ZNF729: variants seen among roughly 807,000 people sequenced by gnomAD.
ZNF729 encodes zinc finger protein 729.
A neutral mutation model predicts 12.2 loss-of-function variants in ZNF729; 15 were observed. That is an observed-to-expected ratio of 1.23 (90% CI 0.82 to 1.89). The LOEUF (loss-of-function observed/expected upper bound fraction) is 1.89. Among genes scored for constraint, ZNF729 ranks in the 40% most tolerant of loss-of-function variants. The pLI is 0.00. For missense variants in ZNF729, 1,540 were observed against 1,456.7 expected, an observed-to-expected ratio of 1.06 and a Z score of -0.93; for synonymous variants, 492 against 476.3, an observed-to-expected ratio of 1.03 and a Z score of -0.43.
intron 1 of ZNF729, among the ~76,000 whole-genome samples, chr19:22,288,391 T>C (rs1339823266): frequency 1.3e-4 from 20 of 152,040 alleles, no homozygotes; most frequent in Non-Finnish European, 1.8e-4. Flanking sequence ...TTGGAAACTT[T>C]ATGGAGTGAT....
rs543577982 is a variant in ZNF729, at chr19:22,314,793, C to G, written c.1376C>G (p.Pro459Arg). The G allele has an allele frequency of 8.7e-6, 14 of 1,613,668 alleles. No individual in the cohort carries two copies. The highest frequency in any genetic ancestry group is 1.7e-5 in the Admixed American group (1 of 59,994). Reference sequence around the variant, plus strand: ...AAGATAATTCATACTGGGGAGAAACCATACAAATGTGAAGAATGTGGCAAA... The same window carrying G: ...AAGATAATTCATACTGGGGAGAAACGATACAAATGTGAAGAATGTGGCAAA... Reference protein sequence around the residue: ...KHKIIHTGEKPYKCEECGKAF... With the variant: ...KHKIIHTGEKRYKCEECGKAF... Residue 459 changes from proline (P) to arginine (R), a missense_variant, in exon 4 of 4, where the codon CCA becomes CGA. Coordinates refer to ENST00000601693, the MANE Select transcript of ZNF729 (RefSeq NM_001242680.2).
At position 22,314,082 on chromosome 19, in the gene ZNF729, C is replaced by G; in HGVS notation, c.665C>G (p.Thr222Ser). 1.9e-6 allele frequency: 3 copies of G among 1,545,698 alleles called. No individual in the cohort carries two copies. Among genetic ancestry groups the G allele is most frequent in the Non-Finnish European group, 2.6e-6 (3 of 1,146,678 alleles). Residue 222 changes from threonine to serine, a missense_variant, in exon 4 of 4, where the codon ACC (threonine) becomes AGC (serine). Transcript: ENST00000601693. ...GGCAAAGCCTTTAAATCGTTCTCAA[C>G]CCTTACTAAACATAAGATAATTCAT... Reference protein sequence around the residue: ...ERGKAFKSFSTLTKHKIIHTE... With the variant: ...ERGKAFKSFSSLTKHKIIHTE...
intron 3 of ZNF729, among the ~76,000 whole-genome samples, chr19:22,309,929 G>T (rs777554261): frequency 4.0e-5 from 6 of 151,106 alleles, no homozygotes; most frequent in Non-Finnish European, 8.8e-5. Context: ...TTACCTCCTT[G>T]GTTAGGCATA....
chr19:22,316,122 A>G lies in ZNF729; in HGVS notation c.2705A>G (p.His902Arg), dbSNP rs1968536505. ...AAACTTACTGTACATAAGGTAATTCATACTGCAGAGAAACCCTGTAAATGT... is the reference window on the plus strand; with the variant it reads ...AAACTTACTGTACATAAGGTAATTCGTACTGCAGAGAAACCCTGTAAATGT... ...LSKLTVHKVI[H>R]TAEKPCKCEE... Residue 902 changes from histidine (H) to arginine (R), a missense_variant, in exon 4 of 4, where the codon CAT becomes CGT. His to Arg is a conservative substitution (Grantham distance 29). Coordinates refer to ENST00000601693, the MANE Select transcript of ZNF729 (RefSeq NM_001242680.2). 1 of 1,609,636 alleles carries G rather than the reference A, an allele frequency of 6.2e-7. No homozygotes were observed. The highest frequency in any genetic ancestry group is 8.5e-7 in the Non-Finnish European group (1 of 1,178,272).
At position 22,314,173 on chromosome 19, in the gene ZNF729, T is replaced by C. The variant is rs1343637913; in HGVS notation, c.756T>C (p.Thr252=). The change falls in exon 4 of 4, where the codon ACT becomes ACC. Residue 252 remains threonine, a synonymous_variant. Coordinates refer to ENST00000601693, the MANE Select transcript of ZNF729 (RefSeq NM_001242680.2). ...GNAFKFSSTF[T]KHKRIHTGET... ...CCTTTAAATTTTCTTCAACGTTCAC[T>C]AAACATAAGAGAATTCATACTGGAG... 6 of 1,580,610 alleles carry C rather than the reference T, an allele frequency of 3.8e-6. No individual in the cohort carries two copies. Among genetic ancestry groups the C allele is most frequent in the Non-Finnish European group, 5.2e-6 (6 of 1,164,098 alleles).
At position 22,316,685 on chromosome 19, in the gene ZNF729, G is replaced by A; in HGVS notation, c.3268G>A (p.Ala1090Thr). ...TGACAAAGCTTTTAAGCATTTCTCA[G>A]CCCTTAGAAAACATAAGGTAATTCA... Reference protein sequence around the residue: ...ECDKAFKHFSALRKHKVIHTG... With the variant: ...ECDKAFKHFSTLRKHKVIHTG... The change falls in exon 4 of 4, where the codon GCC becomes ACC. Residue 1090 changes from alanine (A) to threonine (T), a missense_variant. Physicochemically the swap from Ala to Thr is moderately conservative, Grantham distance 58 (BLOSUM62 0). Transcript: ENST00000601693. 6.2e-7 allele frequency: 1 copy of A among 1,610,048 alleles called. No individual in the cohort carries two copies. The highest frequency in any genetic ancestry group is 8.5e-7 in the Non-Finnish European group (1 of 1,179,082).
At chr19:22,295,154 A>G (rs1968212586) in intron 1 of ZNF729, among the ~76,000 whole-genome samples, 1 of 151,770 alleles carries the variant, frequency 6.6e-6, no homozygotes, top group African/African-American at 2.4e-5. Context: ...CAATTTTTAT[A>G]CATTTATTTT....
chr19:22,289,989 T>A (rs1224382247), intron 1 of ZNF729, among the ~76,000 whole-genome samples: 1 of 152,196 alleles, frequency 6.6e-6, no homozygotes, highest in Non-Finnish European at 1.5e-5. Flanking sequence ...CACCTTAAAA[T>A]TTTCTTCCCT....
chr19:22,315,493 T>G lies in ZNF729; in HGVS notation c.2076T>G (p.Ala692=). 6.2e-7 allele frequency: 1 copy of G among 1,612,182 alleles called. No homozygotes were observed. Among genetic ancestry groups the G allele is most frequent in the Non-Finnish European group, 8.5e-7 (1 of 1,179,736 alleles). Residue 692 remains alanine, a synonymous_variant, in exon 4 of 4, where the codon GCT becomes GCG. Coordinates refer to ENST00000601693, the MANE Select transcript of ZNF729 (RefSeq NM_001242680.2). ...ACAAATGTGAAGAATGTGGCAAAGC[T>G]TTTAGCCATTTCTCAGCCCTTAGAA... The part of the protein sequence containing the change: ...KPYKCEECGK[A]FSHFSALRRH...
chr19:22,300,565 A>G (rs1431951565), intron 1 of ZNF729, among the ~76,000 whole-genome samples: 2 of 152,162 alleles, frequency 1.3e-5, no homozygotes, highest in African/African-American at 4.8e-5. Flanking sequence ...TTGTGCTGCA[A>G]AGTGCATACT....
intron 1 of ZNF729, among the ~76,000 whole-genome samples, chr19:22,294,307 C>T (rs1968195364): frequency 6.6e-6 from 1 of 152,090 alleles, no homozygotes; most frequent in South Asian, 2.1e-4. Flanking sequence ...GCTCTCTATT[C>T]TGTTGCATTG....
At chr19:22,312,711 T>C (rs1568576425) in intron 3 of ZNF729, among the ~76,000 whole-genome samples, 2 of 152,070 alleles carry the variant, frequency 1.3e-5, no homozygotes, top group African/African-American at 4.8e-5. Context: ...CTACTGGTTT[T>C]TTTGTTTGTT....
chr19:22,294,582 C>T (rs1372786236), intron 1 of ZNF729, among the ~76,000 whole-genome samples: 11 of 145,622 alleles, frequency 7.6e-5, no homozygotes, highest in African/African-American at 2.8e-4. Flanking sequence ...TCATTTTGAT[C>T]TTTTCTACCT....
Position 22,304,734 on chromosome 19 carries a change from G to C in ZNF729, c.204G>C (p.Gly68=). The change falls in exon 3 of 4, where the codon GGG becomes GGC. Residue 68 remains glycine (G), a synonymous_variant. Transcript: ENST00000601693. ...ACTTGATAACTTGTCTGAAGCAAGG[G>C]AAAGAGCCTTGGAATATGAAGAGAC... ...KPDLITCLKQ[G]KEPWNMKRHE... is the part of the protein sequence containing the mutation. 6.2e-7 allele frequency: 1 copy of C among 1,613,400 alleles called. No individual in the cohort carries two copies. The highest frequency in any genetic ancestry group is 8.5e-7 in the Non-Finnish European group (1 of 1,179,694).
At position 22,315,576 on chromosome 19, in the gene ZNF729, C is replaced by G. The variant is rs781758976; in HGVS notation, c.2159C>G (p.Ala720Gly). ...KPYKCEECGK[A>G]FKWSSKLTVH... ...TACAAATGTGAAGAATGTGGTAAAG[C>G]TTTTAAGTGGTCATCAAAACTTACT... The change falls in exon 4 of 4, where the codon GCT becomes GGT. Residue 720 changes from alanine to glycine, a missense_variant. Ala to Gly is a moderately conservative substitution (Grantham distance 60, BLOSUM62 0). Coordinates refer to ENST00000601693, the MANE Select transcript of ZNF729 (RefSeq NM_001242680.2). 6.2e-7 allele frequency: 1 copy of G among 1,609,582 alleles called. No individual in the cohort carries two copies. Among genetic ancestry groups the G allele is most frequent in the Non-Finnish European group, 8.5e-7 (1 of 1,179,050 alleles).
intron 1 of ZNF729, among the ~76,000 whole-genome samples, chr19:22,297,866 A>G (rs112661895): frequency 0.025 from 3,783 of 151,852 alleles, 155 homozygotes; most frequent in African/African-American, 0.087. Context: ...TTAGCTCGGC[A>G]TGGTTGTGCA....
At chr19:22,301,291 G>A (rs977689390) in intron 1 of ZNF729, among the ~76,000 whole-genome samples, 1 of 152,090 alleles carries the variant, frequency 6.6e-6, no homozygotes, top group African/African-American at 2.4e-5. Context: ...TGTATGTTGC[G>A]GGCAACTTGA....
intron 1 of ZNF729, among the ~76,000 whole-genome samples, chr19:22,293,820 C>T (rs527456300): frequency 6.6e-6 from 1 of 151,942 alleles, no homozygotes; most frequent in East Asian, 1.9e-4. Context: ...TTAAGGAGGT[C>T]GTTTGTTTGT....
intron 1 of ZNF729, among the ~76,000 whole-genome samples, chr19:22,293,692 T>C (rs1460179109): frequency 1.1e-4 from 16 of 145,846 alleles, no homozygotes; most frequent in East Asian, 8.4e-4. Context: ...CAGGGTTTCA[T>C]CATGTTGGCC....
Sources: allele counts gnomAD v4.1 joint callset (sites outside exome capture counted in the v4.1 genomes callset), GRCh38; gene constraint gnomAD v4.1.1; transcripts MANE v1.5; gene names NCBI Gene and HGNC (gene_info 2026-07-23, HGNC 2026-07-21).